CPQ: variants seen among roughly 807,000 people sequenced by gnomAD.
The protein encoded by CPQ is carboxypeptidase Q, also known as Ser-Met dipeptidase.
Under a neutral mutation model 45.7 loss-of-function variants are expected in CPQ, and 37 were observed. That is an observed-to-expected ratio of 0.81 (90% CI 0.62 to 1.07). CPQ has a LOEUF of 1.07. CPQ is among the 50% of genes least tolerant of loss of function. The pLI, the probability that CPQ is intolerant of heterozygous loss-of-function variation, is 0.00. For synonymous variants in CPQ, 186 were observed against 205.8 expected, an observed-to-expected ratio of 0.90 and a Z score of 0.82; for missense variants, 537 against 572.9, an observed-to-expected ratio of 0.94 and a Z score of 0.64.
intron 1 of CPQ, among the ~76,000 whole-genome samples, chr8:96,703,259 T>C (rs1025316330): frequency 6.6e-6 from 1 of 152,142 alleles, no homozygotes; most frequent in Non-Finnish European, 1.5e-5. Context: ...TTATAATAAA[T>C]ATGTCTTGCC....
intron 7 of CPQ, among the ~76,000 whole-genome samples, chr8:97,137,618 G>C (rs939901389): frequency 6.6e-6 from 1 of 152,208 alleles, no homozygotes; most frequent in Non-Finnish European, 1.5e-5. Flanking sequence ...CCCTGGGTGT[G>C]CTGTGAGTTC....
At chr8:97,116,863 T>TCCTTTGG (rs1811603004) in intron 7 of CPQ, among the ~76,000 whole-genome samples, 1 of 152,244 alleles carries the variant, frequency 6.6e-6, no homozygotes, top group South Asian at 2.1e-4. Flanking sequence ...AGCTCAGTTG[T>TCCTTTGG]CCTTTGGCCT....
At chr8:96,792,675 A>T (rs1182738650) in intron 2 of CPQ, among the ~76,000 whole-genome samples, 1 of 152,126 alleles carries the variant, frequency 6.6e-6, no homozygotes, top group Non-Finnish European at 1.5e-5. Context: ...CTCAGTAAAT[A>T]GTTACTCATT....
At chr8:96,905,210 C>G (rs57643950) in intron 4 of CPQ, among the ~76,000 whole-genome samples, 113 of 152,176 alleles carry the variant, frequency 7.4e-4, no homozygotes, top group African/African-American at 2.6e-3. Flanking sequence ...TTAAAACCAT[C>G]AGATCTTGTG....
chr8:96,688,026 C>T (rs1809255344), intron 1 of CPQ, among the ~76,000 whole-genome samples: 1 of 151,846 alleles, frequency 6.6e-6, no homozygotes, highest in African/African-American at 2.4e-5. Context: ...CTGTCATGTC[C>T]TGAGAGAAAA....
At chr8:96,893,757 A>T (rs1284548955) in intron 4 of CPQ, among the ~76,000 whole-genome samples, 1 of 152,218 alleles carries the variant, frequency 6.6e-6, no homozygotes, top group Non-Finnish European at 1.5e-5. Context: ...TGCTTTAAGG[A>T]TTACCTGAAA....
chr8:96,805,237 A>G (rs1472933066), intron 2 of CPQ, among the ~76,000 whole-genome samples: 1 of 152,360 alleles, frequency 6.6e-6, no homozygotes, highest in East Asian at 1.9e-4. Context: ...CTGCCTGAAG[A>G]TAAGAGCTGT....
intron 7 of CPQ, among the ~76,000 whole-genome samples, chr8:97,132,550 C>T (rs1331337358): frequency 6.6e-6 from 1 of 152,194 alleles, no homozygotes; most frequent in African/African-American, 2.4e-5. Flanking sequence ...ACTTCCACTG[C>T]ACTGTGGCTT....
chr8:97,065,612 CT>C (rs1810622921), intron 6 of CPQ, among the ~76,000 whole-genome samples: 1 of 152,186 alleles, frequency 6.6e-6, no homozygotes, highest in African/African-American at 2.4e-5. Context: ...AGCATACCTT[CT>C]TTTGTCTGAG....
intron 4 of CPQ, among the ~76,000 whole-genome samples, chr8:96,946,992 T>A (rs1343542550): frequency 6.6e-6 from 1 of 152,194 alleles, no homozygotes; most frequent in Non-Finnish European, 1.5e-5. Context: ...GTACATCTAC[T>A]GTCCTCCAAT....
At chr8:96,767,914 G>A (rs2130796269) in intron 1 of CPQ, among the ~76,000 whole-genome samples, 1 of 152,092 alleles carries the variant, frequency 6.6e-6, no homozygotes, top group South Asian at 2.1e-4. Flanking sequence ...AAAGTCCTGG[G>A]ATTTCAGGTG....
At chr8:97,038,111 TTTGAC>T (rs766296338) in intron 6 of CPQ, among the ~76,000 whole-genome samples, 13 of 152,226 alleles carry the variant, frequency 8.5e-5, no homozygotes, top group Non-Finnish European at 1.6e-4. Flanking sequence ...TATAGTGAAG[TTTGAC>T]TTGAGTGTTG....
chr8:96,731,525 A>G lies in CPQ; in HGVS notation c.-34-53339A>G, dbSNP rs1809912877. Among the ~76,000 whole-genome samples, 3 of 152,178 alleles carry G rather than the reference A, an allele frequency of 2.0e-5. No individual in the cohort carries two copies. The South Asian group carries it at 6.2e-4, about 32-fold the overall frequency. On this transcript the variant is annotated intron_variant, in intron 1 of 7. Coordinates refer to ENST00000220763, the MANE Select transcript of CPQ (RefSeq NM_016134.4). Reference sequence around the variant, plus strand: ...GATTGACTTGCAGCATCATAGGAATAAATGGAGGTGGGATGGGGGTGGAGT... The same window carrying G: ...GATTGACTTGCAGCATCATAGGAATGAATGGAGGTGGGATGGGGGTGGAGT...
chr8:96,720,949 G>A (rs1264226601), intron 1 of CPQ, among the ~76,000 whole-genome samples: 1 of 151,648 alleles, frequency 6.6e-6, no homozygotes, highest in East Asian at 1.9e-4. Context: ...GATTAATAAG[G>A]TGTTCATGGG....
chr8:96,715,774 T>G (rs1809665684), intron 1 of CPQ, among the ~76,000 whole-genome samples: 1 of 152,168 alleles, frequency 6.6e-6, no homozygotes, highest in South Asian at 2.1e-4. Flanking sequence ...TCCCTTGATG[T>G]GGTGCAGTCC....
intron 2 of CPQ, among the ~76,000 whole-genome samples, chr8:96,825,714 C>T (rs1217464914): frequency 6.6e-6 from 1 of 151,942 alleles, no homozygotes; most frequent in Non-Finnish European, 1.5e-5. Flanking sequence ...GAAACTGAGC[C>T]AAGTTTATCA....
At position 96,923,618 on chromosome 8, in the gene CPQ, T is replaced by A. The variant is rs75946526; in HGVS notation, c.850-42317T>A. Among the ~76,000 whole-genome samples the A allele has an allele frequency of 2.0e-3, 299 of 152,290 alleles. 1 individual carries two copies. Among genetic ancestry groups the A allele is most frequent in the African/African-American group, 6.9e-3 (287 of 41,562 alleles). Reference sequence around the variant, plus strand: ...CCAATCAACTATTATTGAGCCCCAATTACATGCATGTGAAGCATATTCTCA... The same window carrying A: ...CCAATCAACTATTATTGAGCCCCAAATACATGCATGTGAAGCATATTCTCA... On this transcript the variant is annotated intron_variant, in intron 4 of 7. Transcript: ENST00000220763.
At chr8:97,105,399 CTCTTTT>C (rs1811387363) in intron 7 of CPQ, among the ~76,000 whole-genome samples, 1 of 152,188 alleles carries the variant, frequency 6.6e-6, no homozygotes, top group Non-Finnish European at 1.5e-5. Flanking sequence ...AGAATTTCAT[CTCTTTT>C]TAAGGCTAAA....
chr8:96,927,003 G>GA (rs2130915558), intron 4 of CPQ, among the ~76,000 whole-genome samples: 1 of 152,324 alleles, frequency 6.6e-6, no homozygotes, highest in African/African-American at 2.4e-5. Context: ...TAGTGAAAGA[G>GA]AAAATGGGCG....
Sources: allele counts gnomAD v4.1 joint callset (sites outside exome capture counted in the v4.1 genomes callset), GRCh38; gene constraint gnomAD v4.1.1; transcripts MANE v1.5; gene names NCBI Gene and HGNC (gene_info 2026-07-23, HGNC 2026-07-21).